Variants in SWT1 observed in about 807,000 individuals in gnomAD.
The protein encoded by SWT1 is transcriptional protein SWT1.
SWT1 carries 33 observed loss-of-function variants against 107.3 expected under a neutral mutation model. That is an observed-to-expected ratio of 0.31 (90% confidence interval 0.23 to 0.41). The LOEUF (loss-of-function observed/expected upper bound fraction) is 0.41. Ranked by LOEUF, SWT1 falls within the 10% of genes least tolerant of loss-of-function variation. The probability of loss-of-function intolerance (pLI) is 1.00; values close to 1 mark genes in which losing one functional copy is unlikely to be tolerated. For missense variants in SWT1, 898 were observed against 1,028.9 expected (o/e 0.87, Z 1.74); for synonymous variants, 345 against 348.3 (o/e 0.99, Z 0.11).
intron 2 of SWT1, among the ~76,000 whole-genome samples, chr1:185,161,668 T>C (rs1420356219): frequency 6.6e-6 from 1 of 152,128 alleles, no homozygotes; most frequent in Non-Finnish European, 1.5e-5. Flanking sequence ...ACCACTGCAC[T>C]CCAGTCTGGC....
chr1:185,177,498 CAGGCTTAA>C (rs1054347085), intron 5 of SWT1, among the ~76,000 whole-genome samples: 2 of 152,164 alleles, frequency 1.3e-5, no homozygotes, highest in Admixed American at 1.3e-4. Flanking sequence ...GCAGCATTAT[CAGGCTTAA>C]AGTCATTTAG....
chr1:185,238,417 A>T (rs1241675409), intron 16 of SWT1, among the ~76,000 whole-genome samples: 1 of 152,182 alleles, frequency 6.6e-6, no homozygotes, highest in African/African-American at 2.4e-5. Context: ...ACCATCAGCA[A>T]TTCTTAACTT....
intron 6 of SWT1, 47 bp from the exon 7 acceptor site, chr1:185,181,899 T>A: frequency 6.2e-7 from 1 of 1,605,260 alleles, no homozygotes; most frequent in Non-Finnish European, 8.5e-7. Flanking sequence ...CTCTTGTCAG[T>A]CTGCAAAGTA....
chr1:185,204,849 A>T lies in SWT1; in HGVS notation c.1819A>T (p.Asn607Tyr), dbSNP rs377106681. Residue 607 changes from asparagine to tyrosine, a missense_variant, in exon 12 of 19, where the codon AAC becomes TAC. By Grantham distance (143) the Asn-to-Tyr change is moderately radical. This residue lies in a region of SWT1 where 382 missense variants were observed against 460.0 expected (regional missense o/e 0.83). Coordinates refer to ENST00000367500, the MANE Select transcript of SWT1 (RefSeq NM_017673.7). ...LETEMKIAFG[N>Y]LWMEILYLKP... Reference sequence around the variant, plus strand: ...AACAGAAATGAAAATTGCTTTTGGAAACCTTTGGATGGAGGTGATTAGTTG... The same window carrying T: ...AACAGAAATGAAAATTGCTTTTGGATACCTTTGGATGGAGGTGATTAGTTG... 1 of 1,577,576 alleles carries T rather than the reference A, an allele frequency of 6.3e-7. No individual in the cohort carries two copies. Among genetic ancestry groups the T allele is most frequent in the African/African-American group, 1.4e-5 (1 of 72,778 alleles).
intron 1 of SWT1, among the ~76,000 whole-genome samples, chr1:185,159,659 C>T (rs1482567474): frequency 2.0e-5 from 3 of 152,136 alleles, no homozygotes; most frequent in African/African-American, 7.2e-5. Flanking sequence ...TGTATGTAGA[C>T]ATTACTGTGT....
chr1:185,246,226 T>C (rs963329690), intron 16 of SWT1, among the ~76,000 whole-genome samples: 2 of 152,160 alleles, frequency 1.3e-5, no homozygotes, highest in Non-Finnish European at 2.9e-5. Context: ...GCCAGTATAG[T>C]TGGAGAAATG....
chr1:185,239,569 A>G lies in SWT1; in HGVS notation c.2441+7861A>G, dbSNP rs144048964. Among the ~76,000 whole-genome samples the G allele has an allele frequency of 5.2e-3, 795 of 152,192 alleles. 2 individuals carry two copies. Among genetic ancestry groups the G allele is most frequent in the Non-Finnish European group, 7.8e-3 (533 of 67,932 alleles). ...CTTTTTAGGTAGGAGAAGAACTTCA[A>G]TTAGCTTATTTGCTATTCATTTAGA... is the stretch of plus-strand genomic sequence containing the variant. On this transcript the variant is annotated intron_variant, in intron 16 of 18. Coordinates refer to ENST00000367500, the MANE Select transcript of SWT1 (RefSeq NM_017673.7).
At chr1:185,221,192 T>C (rs553294383) in intron 14 of SWT1, among the ~76,000 whole-genome samples, 1 of 152,364 alleles carries the variant, frequency 6.6e-6, no homozygotes, top group Non-Finnish European at 1.5e-5. Context: ...GGATCTAGTC[T>C]TTGGCCAAGT....
intron 16 of SWT1, among the ~76,000 whole-genome samples, chr1:185,260,113 A>G (rs186397963): frequency 2.6e-5 from 4 of 152,164 alleles, no homozygotes; most frequent in Admixed American, 6.5e-5. Context: ...ATTTTAGAGG[A>G]TGAGTGCACA....
intron 1 of SWT1, among the ~76,000 whole-genome samples, chr1:185,160,632 G>A (rs570714636): frequency 4.8e-4 from 73 of 152,130 alleles, no homozygotes; most frequent in African/African-American, 1.6e-3. Context: ...AACCCGGTAG[G>A]CAGAGGTTGC....
At chr1:185,241,413 C>T (rs944020510) in intron 16 of SWT1, among the ~76,000 whole-genome samples, 2 of 152,142 alleles carry the variant, frequency 1.3e-5, no homozygotes, top group Admixed American at 6.6e-5. Context: ...TCAGATATCA[C>T]TTAGTTACCT....
At chr1:185,223,713 T>G (rs1659845119) in intron 15 of SWT1, among the ~76,000 whole-genome samples, 2 of 152,318 alleles carry the variant, frequency 1.3e-5, no homozygotes, top group South Asian at 4.1e-4. Context: ...ACTTGTATCA[T>G]GGGAGTTTGT....
intron 18 of SWT1, among the ~76,000 whole-genome samples, chr1:185,282,769 G>A (rs913662666): frequency 3.9e-5 from 6 of 152,026 alleles, no homozygotes; most frequent in African/African-American, 1.4e-4. Context: ...ATAGTACACC[G>A]AGTCGGTGTT....
At chr1:185,189,850 T>C (rs1346315882) in intron 9 of SWT1, among the ~76,000 whole-genome samples, 3 of 150,222 alleles carry the variant, frequency 2.0e-5, no homozygotes, top group Admixed American at 6.6e-5. Flanking sequence ...TAAATACATA[T>C]ATACTTTTTT....
At chr1:185,201,469 G>A (rs1014179484) in intron 10 of SWT1, among the ~76,000 whole-genome samples, 4 of 152,122 alleles carry the variant, frequency 2.6e-5, no homozygotes, top group Non-Finnish European at 5.9e-5. Flanking sequence ...GTTCCTCAGG[G>A]CACAGTCCCT....
rs1665215091 is a variant in SWT1 at position 185,290,837 on chromosome 1, G to T, written c.*34G>T. ...TTGTAACTTTAAAGGAATTGCATTT[G>T]TCCTTAAGAATAACAGAGTAGTTTT... On this transcript the variant is annotated 3_prime_UTR_variant, in exon 19 of 19. Coordinates refer to ENST00000367500, the MANE Select transcript of SWT1 (RefSeq NM_017673.7). The T allele has an allele frequency of 1.9e-6, 3 of 1,576,278 alleles. No homozygotes were observed. Among genetic ancestry groups the T allele is most frequent in the Non-Finnish European group, 2.6e-6 (3 of 1,157,886 alleles).
chr1:185,273,529 C>T (rs1170023069), intron 17 of SWT1, among the ~76,000 whole-genome samples: 2 of 151,982 alleles, frequency 1.3e-5, no homozygotes, highest in East Asian at 3.9e-4. Flanking sequence ...AGTGAAACCC[C>T]GTCTCTACTA....
At chr1:185,226,003 A>C (rs957690070) in intron 15 of SWT1, among the ~76,000 whole-genome samples, 22 of 152,212 alleles carry the variant, frequency 1.4e-4, no homozygotes, top group African/African-American at 4.8e-4. Flanking sequence ...CATATAAAGC[A>C]AAGGTTTTTT....
intron 5 of SWT1, chr1:185,176,474 C>G: frequency 1.4e-6 from 1 of 717,036 alleles, no homozygotes; most frequent in Non-Finnish European, 1.7e-6. Context: ...CTTGGCACAT[C>G]TATTTTGCTT....
Sources: gnomAD v4.1 joint callset for allele counts (sites outside exome capture counted in the v4.1 genomes callset) on GRCh38, gnomAD v4.1.1 for gene constraint, gnomAD v4.1.1 regional missense constraint, MANE v1.5 for transcripts, NCBI Gene and HGNC (gene_info 2026-07-23, HGNC 2026-07-21) for gene names.